Variants in BTBD9 observed in about 807,000 individuals in gnomAD.
BTBD9 encodes the protein BTB domain containing 9.
In BTBD9, 49 loss-of-function variants were observed where a neutral mutation model predicts 64.3. The ratio of observed to expected loss-of-function variants is 0.76; its 90% CI spans 0.61 to 0.97. The LOEUF (loss-of-function observed/expected upper bound fraction) is 0.97, where lower values mean the gene tolerates loss of function less well. BTBD9 is among the 50% of genes least tolerant of loss of function. The probability of loss-of-function intolerance (pLI) is 0.00; values close to 1 mark genes in which losing one functional copy is unlikely to be tolerated. For missense variants in BTBD9, 598 were observed against 762.1 expected (o/e 0.78, Z 2.53); for synonymous variants, 260 against 274.7 (o/e 0.95, Z 0.53).
intron 1 of BTBD9, among the ~76,000 whole-genome samples, chr6:38,600,490 A>G (rs911046790): frequency 6.6e-6 from 1 of 152,196 alleles, no homozygotes; most frequent in Admixed American, 6.5e-5. Context: ...TATGTTGGTC[A>G]GGAAATTCAG....
chr6:38,297,268 A>G (rs186861552), intron 7 of BTBD9, among the ~76,000 whole-genome samples: 6 of 152,256 alleles, frequency 3.9e-5, no homozygotes, highest in Non-Finnish European at 7.4e-5. Flanking sequence ...CAAGAGGCTG[A>G]GGCAGGATAA....
At position 38,401,734 on chromosome 6, in the gene BTBD9, A is replaced by G. The variant is rs535348537; in HGVS notation, c.1155-56641T>C. On this transcript the variant is annotated intron_variant, in intron 6 of 10. Coordinates refer to ENST00000481247, the MANE Select transcript of BTBD9 (RefSeq NM_001099272.2). ...AAGAAAACAGGCTTTGGAGTGAGTGACCTGGGTTCAAGTTCCAGCTCTGCC... is the reference window on the plus strand; with the variant it reads ...AAGAAAACAGGCTTTGGAGTGAGTGGCCTGGGTTCAAGTTCCAGCTCTGCC... Among the ~76,000 whole-genome samples, 5 of 152,334 alleles carry G rather than the reference A, an allele frequency of 3.3e-5. No homozygotes were observed. The South Asian group carries it at 1.0e-3, about 32-fold the overall frequency.
At chr6:38,280,062 C>A (rs571759241) in intron 8 of BTBD9, among the ~76,000 whole-genome samples, 1 of 152,090 alleles carries the variant, frequency 6.6e-6, no homozygotes, top group South Asian at 2.1e-4. Context: ...CATCTGAATT[C>A]TAGTGCTCCT....
intron 6 of BTBD9, among the ~76,000 whole-genome samples, chr6:38,354,648 C>T (rs1400907136): frequency 6.6e-6 from 1 of 152,056 alleles, no homozygotes; most frequent in Non-Finnish European, 1.5e-5. Context: ...CCCTAGACTG[C>T]TTCAATTTTC....
chr6:38,595,723 A>G lies in BTBD9; in HGVS notation c.186-1396T>C, dbSNP rs142679184. 8.5e-4 allele frequency: 833 copies of G among 976,450 alleles called. 12 individuals carry two copies. In the East Asian group the frequency reaches 0.033, roughly 39 times the overall value. 60.5% of individuals were successfully genotyped at this position (976,450 alleles called of 1,614,324 possible). ...CTAGCATTCTTGCTTGCCCCAGAAAAATAGTTGAAACCACCCAGAAAAGAT... is the reference window on the plus strand; with the variant it reads ...CTAGCATTCTTGCTTGCCCCAGAAAGATAGTTGAAACCACCCAGAAAAGAT... On this transcript the variant is annotated intron_variant, in intron 2 of 10. Transcript: ENST00000481247.
rs186603616 is a variant in BTBD9, at chr6:38,396,586, C to T, written c.1155-51493G>A. ...GATTTTCCTTTATCCTTTACCCTTG[C>T]CACTTTGGGCTGGAAGTTACTAAAA... On this transcript the variant is annotated intron_variant, in intron 6 of 10. Coordinates refer to ENST00000481247, the MANE Select transcript of BTBD9 (RefSeq NM_001099272.2). 2.9e-3 allele frequency among the ~76,000 whole-genome samples: 437 copies of T among 152,284 alleles called. 1 individual carries two copies. The highest frequency in any genetic ancestry group is 9.9e-3 in the African/African-American group (411 of 41,566).
chr6:38,437,015 C>T (rs902649317), intron 6 of BTBD9, among the ~76,000 whole-genome samples: 30 of 152,176 alleles, frequency 2.0e-4, no homozygotes, highest in African/African-American at 7.2e-4. Flanking sequence ...TTTCCCTTAT[C>T]CTCCTAATGT....
At chr6:38,320,908 G>A (rs374348931) in intron 7 of BTBD9, among the ~76,000 whole-genome samples, 4 of 152,080 alleles carry the variant, frequency 2.6e-5, no homozygotes, top group South Asian at 4.1e-4. Flanking sequence ...CAATTCTACC[G>A]ACCTGCAAAA....
At chr6:38,611,223 C>T (rs1450243030) in intron 1 of BTBD9, among the ~76,000 whole-genome samples, 1 of 152,092 alleles carries the variant, frequency 6.6e-6, no homozygotes, top group African/African-American at 2.4e-5. Flanking sequence ...CAAGCACACA[C>T]ATCATACTGT....
chr6:38,373,829 C>A (rs72851460), intron 6 of BTBD9, among the ~76,000 whole-genome samples: 12,731 of 152,070 alleles, frequency 0.084, 772 homozygotes, highest in Non-Finnish European at 0.12. Flanking sequence ...CCTCACCCAG[C>A]AAAACTTGTT....
At chr6:38,456,924 G>A (rs1273622836) in intron 6 of BTBD9, among the ~76,000 whole-genome samples, 1 of 152,180 alleles carries the variant, frequency 6.6e-6, no homozygotes, top group Non-Finnish European at 1.5e-5. Flanking sequence ...AAAGCACTTT[G>A]AAGGAAATAA....
intron 10 of BTBD9, among the ~76,000 whole-genome samples, chr6:38,186,825 T>C (rs1019928126): frequency 1.3e-5 from 2 of 152,232 alleles, no homozygotes; most frequent in African/African-American, 4.8e-5. Context: ...TCTTTCTGAA[T>C]ACATTGCAGA....
At chr6:38,314,584 G>C (rs1490670289) in intron 7 of BTBD9, among the ~76,000 whole-genome samples, 1 of 151,942 alleles carries the variant, frequency 6.6e-6, no homozygotes, top group Non-Finnish European at 1.5e-5. Flanking sequence ...GAAGCACTTG[G>C]GTCCTGGGCT....
At chr6:38,452,771 T>C (rs908927667) in intron 6 of BTBD9, among the ~76,000 whole-genome samples, 7 of 152,106 alleles carry the variant, frequency 4.6e-5, no homozygotes, top group Non-Finnish European at 8.8e-5. Context: ...GTTACTATTA[T>C]TGAAAGTAAA....
chr6:38,189,594 G>A lies in BTBD9; in HGVS notation c.1641+2925C>T, dbSNP rs1021439901. 1.4e-4 allele frequency among the ~76,000 whole-genome samples: 22 copies of A among 152,042 alleles called. 2 individuals carry two copies. The highest frequency in any genetic ancestry group is 2.1e-4 in the South Asian group (1 of 4,796). ...CAGCCTCGAACTCCTAGGCCCAAGC[G>A]ATCCTCCTGCCTCAGCCTCCTGGGT... On this transcript the variant is annotated intron_variant, in intron 10 of 10. Transcript: ENST00000481247.
At position 38,465,753 on chromosome 6, in the gene BTBD9, ATATGTATGTATG is replaced by A. The variant is rs1240229381; in HGVS notation, c.1154+111835_1154+111846del. On this transcript the variant is annotated intron_variant, in intron 6 of 10. Transcript: ENST00000481247. ...TATATATATATATATATATATATAT[ATATGTATGTATG>A]TATGTATTTCAGTTATTTATTTCTT... Among the ~76,000 whole-genome samples, 3 of 39,742 alleles carry A rather than the reference ATATGTATGTATG, an allele frequency of 7.5e-5. No homozygotes were observed. The East Asian group carries it at 6.0e-3, about 79-fold the overall frequency. 26.1% of individuals were successfully genotyped at this position (39,742 alleles called of 152,430 possible). A position where few individuals can be genotyped will look rare whatever the true frequency, so the allele number is the denominator to read the frequency against.
intron 7 of BTBD9, among the ~76,000 whole-genome samples, chr6:38,310,414 G>A (rs1762785020): frequency 6.7e-6 from 1 of 148,372 alleles, no homozygotes; most frequent in South Asian, 2.2e-4. Context: ...TTCTGAAGTA[G>A]TTATCAGAAA....
At position 38,434,062 on chromosome 6, in the gene BTBD9, T is replaced by C. The variant is rs918510450; in HGVS notation, c.1155-88969A>G. Among the ~76,000 whole-genome samples the C allele has an allele frequency of 1.4e-4, 21 of 152,052 alleles. 1 individual carries two copies. Among genetic ancestry groups the C allele is most frequent in the African/African-American group, 4.8e-4 (20 of 41,282 alleles). On this transcript the variant is annotated intron_variant, in intron 6 of 10. Coordinates refer to ENST00000481247, the MANE Select transcript of BTBD9 (RefSeq NM_001099272.2). The stretch of plus-strand genomic sequence containing the variant: ...ACTATATATTCTGACTTACTTTCCA[T>C]TCTGACTCTGGTATAGCATTATGTG...
Position 38,582,267 on chromosome 6 carries a change from C to T in BTBD9, c.815-1830G>A, listed in dbSNP as rs184017933. 3.9e-3 allele frequency among the ~76,000 whole-genome samples: 591 copies of T among 152,272 alleles called. 6 individuals carry two copies. The highest frequency in any genetic ancestry group is 0.014 in the African/African-American group (562 of 41,548). ...TTTATAACTTTCTAAATTCTATTAG[C>T]GTGTGATAATCACCCATATTCTTCC... On this transcript the variant is annotated intron_variant, in intron 4 of 10. Coordinates refer to ENST00000481247, the MANE Select transcript of BTBD9 (RefSeq NM_001099272.2).
Sources: gnomAD v4.1 joint callset for allele counts (sites outside exome capture counted in the v4.1 genomes callset) on GRCh38, gnomAD v4.1.1 for gene constraint, MANE v1.5 for transcripts, NCBI Gene and HGNC (gene_info 2026-07-23, HGNC 2026-07-21) for gene names.